The following USP36 variants were observed in gnomAD, a reference collection of about 807,000 sequenced individuals.
The protein encoded by USP36 is ubiquitin carboxyl-terminal hydrolase 36.
In USP36, 59 loss-of-function variants were observed where a neutral mutation model predicts 111.5. The observed-to-expected ratio is 0.53, with a 90% CI of 0.43 to 0.66. The LOEUF (loss-of-function observed/expected upper bound fraction) is 0.66. USP36 is among the 30% of genes least tolerant of loss of function. The pLI, the probability that USP36 is intolerant of heterozygous loss-of-function variation, is 0.00. For missense variants in USP36, 1,488 were observed against 1,468.0 expected, an observed-to-expected ratio of 1.01 and a Z score of -0.22; for synonymous variants, 628 against 581.0, an observed-to-expected ratio of 1.08 and a Z score of -1.16.
intron 2 of USP36, among the ~76,000 whole-genome samples, 159 bp from the exon 3 acceptor site, chr17:78,836,531 A>G (rs2068688725): frequency 6.6e-6 from 1 of 152,072 alleles, no homozygotes; most frequent in African/African-American, 2.4e-5. Flanking sequence ...AAACAGGGAG[A>G]CCCAGCACTA....
Position 78,818,715 on chromosome 17 carries a change from G to C in USP36, c.975C>G (p.Thr325=). 6.2e-7 allele frequency: 1 copy of C among 1,614,006 alleles called. No individual in the cohort carries two copies. Among genetic ancestry groups the C allele is most frequent in the East Asian group, 2.2e-5 (1 of 44,884 alleles). ...AGTTGGCAAAGCGCTTGAGGGAAAG[G>C]GTTAAGACGTTGGATGTTCTGTGGA... The part of the protein sequence containing the change: ...FTIHRTSNVL[T]LSLKRFANFS... The change falls in exon 10 of 21, where the codon ACC becomes ACG. Residue 325 remains threonine (T), a synonymous_variant. Coordinates refer to ENST00000449938, the MANE Select transcript of USP36 (RefSeq NM_001385174.1).
intron 2 of USP36, 136 bp from the exon 3 acceptor site, chr17:78,836,508 A>ACT: frequency 8.6e-7 from 1 of 1,164,016 alleles, no homozygotes; most frequent in South Asian, 1.6e-5. Flanking sequence ...CCCCTGGATC[A>ACT]GCTGCACAAA....
rs1251829289 is a variant in USP36, at chr17:78,798,670, C to T, written c.3241-119G>A. 1 of 1,486,282 alleles carries T rather than the reference C, an allele frequency of 6.7e-7. No individual in the cohort carries two copies. The allele number at this position is 1,486,282 out of a possible 1,614,324, so 92.1% of individuals were successfully genotyped here. ...GGGCTCTCATGAGCTCTCTGGAGAC[C>T]CACTCTTCACAATGACCCCTGTGCA... is the stretch of plus-strand genomic sequence containing the variant. On this transcript the variant is annotated intron_variant, in intron 19 of 20. Coordinates refer to ENST00000449938, the MANE Select transcript of USP36 (RefSeq NM_001385174.1). This position sits in a 1 kb window ranked among gnomAD's most constrained non-coding sequence, Gnocchi z 5.1.
intron 12 of USP36, 35 bp from the exon 13 acceptor site, chr17:78,813,036 T>A: frequency 6.2e-7 from 1 of 1,612,026 alleles, no homozygotes; most frequent in Non-Finnish European, 8.5e-7. Context: ...GGAATTCTCT[T>A]ACTAGGCATT....
At chr17:78,793,909 A>T (rs8182269), downstream of USP36, among the ~76,000 whole-genome samples, 85,771 of 151,872 alleles carry the variant, frequency 0.56, 24,230 homozygotes, top group East Asian at 0.62. Context: ...GGTTCCCTGT[A>T]CTGGTAAGAT....
intron 17 of USP36, among the ~76,000 whole-genome samples, chr17:78,801,905 G>A (rs1021213107): frequency 3.3e-5 from 5 of 152,340 alleles, no homozygotes; most frequent in East Asian, 1.9e-4. Flanking sequence ...GTCAAATGCT[G>A]TGACACATGA....
chr17:78,806,394 G>A, intron 14 of USP36, 108 bp from the exon 15 acceptor site: 1 of 1,469,944 alleles, frequency 6.8e-7, no homozygotes, highest in African/African-American at 1.4e-5. Flanking sequence ...AAAGAGCCCA[G>A]AAAAAAAGAT....
At position 78,796,097 on chromosome 17, in the gene USP36, G is replaced by A. The variant is rs1044486; in HGVS notation, c.*1803C>T. On this transcript the variant is annotated 3_prime_UTR_variant, in exon 21 of 21. Coordinates refer to ENST00000449938, the MANE Select transcript of USP36 (RefSeq NM_001385174.1). The stretch of plus-strand genomic sequence containing the variant: ...ATCTCGTGCTCACCACTGCCCAAGA[G>A]TTAACGAATGTATGTACCCCAGGAA... 0.41 allele frequency: 62,193 copies of A among 152,006 alleles called. 15,310 individuals are homozygous for A. The highest frequency in any genetic ancestry group is 0.54 in the Non-Finnish European group (36,886 of 67,970). The allele number at this position is 152,006 out of a possible 1,614,324, so 9.4% of individuals were successfully genotyped here.
chr17:78,813,720 TAAGAA>T, intron 12 of USP36, 48 bp downstream of exon 12: 1 of 1,532,250 alleles, frequency 6.5e-7, no homozygotes, highest in South Asian at 1.1e-5. Flanking sequence ...CCCACCGGTA[TAAGAA>T]AAGAGCAGAG....
At chr17:78,815,743 A>G (rs1312502075) in intron 10 of USP36, among the ~76,000 whole-genome samples, 1 of 152,242 alleles carries the variant, frequency 6.6e-6, no homozygotes, top group Non-Finnish European at 1.5e-5. Context: ...CATAACATGC[A>G]TACATATATG....
At chr17:78,821,095 G>A in intron 7 of USP36, 34 bp from the exon 8 acceptor site, 2 of 1,569,548 alleles carry the variant, frequency 1.3e-6, no homozygotes, top group Non-Finnish European at 1.7e-6. Context: ...AGCAGGTGGG[G>A]CCTGGCAGAG....
At chr17:78,802,884 C>T (rs2093790673) in intron 16 of USP36, among the ~76,000 whole-genome samples, 1 of 152,212 alleles carries the variant, frequency 6.6e-6, no homozygotes, top group Non-Finnish European at 1.5e-5. Context: ...ACACTACTGT[C>T]CACACCACTG....
chr17:78,835,222 T>C (rs965631886), intron 4 of USP36, 58 bp downstream of exon 4: 18 of 1,549,726 alleles, frequency 1.2e-5, no homozygotes, highest in Middle Eastern at 2.0e-4. Flanking sequence ...CACAAGTGCA[T>C]GGGCTTATCT....
chr17:78,804,710 CAA>C (rs1294022481), intron 15 of USP36, among the ~76,000 whole-genome samples: 2 of 133,052 alleles, frequency 1.5e-5, no homozygotes, highest in African/African-American at 5.8e-5. Flanking sequence ...TTTTAAAAGG[CAA>C]AGTTAATAAG....
At chr17:78,828,868 CA>C (rs1337626500) in intron 5 of USP36, 28 bp downstream of exon 5, 2 of 1,606,166 alleles carry the variant, frequency 1.2e-6, no homozygotes, top group African/African-American at 2.7e-5. Context: ...AAATAAATCA[CA>C]AAAATTTTAA....
intron 10 of USP36, among the ~76,000 whole-genome samples, chr17:78,817,037 C>A (rs1047767823): frequency 6.6e-6 from 1 of 152,210 alleles, no homozygotes; most frequent in African/African-American, 2.4e-5. Flanking sequence ...ACCACATATA[C>A]AACAGCGATC....
Position 78,829,026 on chromosome 17 carries a change from G to T in USP36, c.476-19C>A. On this transcript the variant is annotated intron_variant, in intron 4 of 20. Transcript: ENST00000449938. ...TGGTGGCCTGCCGGCGTGGAAGGAG[G>T]AGCAATTTTAAGACAAGAGCTTTCA... 1.2e-6 allele frequency: 2 copies of T among 1,607,694 alleles called. No individual in the cohort carries two copies. Among genetic ancestry groups the T allele is most frequent in the South Asian group, 2.2e-5 (2 of 90,576 alleles).
chr17:78,812,048 G>A (rs934508917), intron 13 of USP36, among the ~76,000 whole-genome samples: 4 of 151,992 alleles, frequency 2.6e-5, no homozygotes, highest in Non-Finnish European at 2.9e-5. Flanking sequence ...AATTAGCTGG[G>A]TGTGGTAGTG....
At chr17:78,793,614 T>A (rs567777006), downstream of USP36, among the ~76,000 whole-genome samples, 25 of 152,150 alleles carry the variant, frequency 1.6e-4, no homozygotes, top group Non-Finnish European at 3.7e-4. Context: ...TCACGTGACC[T>A]GTCCACACAC....
Sources: gnomAD v4.1 joint callset for allele counts (sites outside exome capture counted in the v4.1 genomes callset) on GRCh38, gnomAD v4.1.1 for gene constraint, Gnocchi (gnomAD v3.1) non-coding constraint, MANE v1.5 for transcripts, NCBI Gene and HGNC (gene_info 2026-07-23, HGNC 2026-07-21) for gene names.